The following CYP19A1 variants were observed in gnomAD, a reference collection of about 807,000 sequenced individuals.
CYP19A1 encodes the protein cytochrome P450 family 19 subfamily A member 1.
Under a neutral mutation model 44.4 loss-of-function variants are expected in CYP19A1, and 32 were observed. The observed-to-expected ratio is 0.72, with a 90% CI of 0.54 to 0.97. The LOEUF (loss-of-function observed/expected upper bound fraction) is 0.97. Among genes scored for constraint, CYP19A1 ranks in the 50% least tolerant of loss-of-function variants. CYP19A1 has a pLI of 0.00. For synonymous variants in CYP19A1, 212 were observed against 215.6 expected (o/e 0.98, Z 0.14); for missense variants, 598 against 637.8 (o/e 0.94, Z 0.67).
At chr15:51,324,932 A>T (rs1053436964) in intron 1 of CYP19A1, among the ~76,000 whole-genome samples, 9 of 152,246 alleles carry the variant, frequency 5.9e-5, no homozygotes, top group Non-Finnish European at 1.5e-5. Context: ...TAGATCTGTA[A>T]CCTCATTTTT....
intron 1 of CYP19A1, among the ~76,000 whole-genome samples, chr15:51,285,362 G>C (rs2035661324): frequency 6.6e-6 from 1 of 152,212 alleles, no homozygotes; most frequent in Non-Finnish European, 1.5e-5. Context: ...TCACCAACTG[G>C]CAATCAAAGG....
chr15:51,336,377 G>T (rs1274157658), intron 1 of CYP19A1, among the ~76,000 whole-genome samples: 6 of 152,186 alleles, frequency 3.9e-5, no homozygotes, highest in African/African-American at 1.4e-4. Context: ...AGGGAGAATT[G>T]CTGACTTTGG....
intron 1 of CYP19A1, among the ~76,000 whole-genome samples, chr15:51,318,235 A>T (rs374491742): frequency 1.3e-5 from 2 of 152,024 alleles, no homozygotes; most frequent in African/African-American, 4.8e-5. Context: ...AAAAATTTAC[A>T]GGTGAATATG....
chr15:51,215,975 C>T (rs1329878181), intron 6 of CYP19A1, 158 bp from the exon 7 acceptor site: 3 of 1,374,512 alleles, frequency 2.2e-6, no homozygotes, highest in Non-Finnish European at 2.9e-6. Context: ...CATAAATACC[C>T]TTAAATTACA....
intron 1 of CYP19A1, among the ~76,000 whole-genome samples, chr15:51,268,923 T>A (rs8038715): frequency 0.44 from 66,272 of 152,028 alleles, 14,611 homozygotes; most frequent in African/African-American, 0.46. Context: ...TTGACTTTTT[T>A]AATATATATA....
intron 1 of CYP19A1, among the ~76,000 whole-genome samples, chr15:51,327,653 C>T (rs948354096): frequency 2.0e-5 from 3 of 152,164 alleles, no homozygotes; most frequent in African/African-American, 7.2e-5. Flanking sequence ...CTCAGCCCAA[C>T]AGACAGATGC....
chr15:51,314,356 A>G (rs1046699469), intron 1 of CYP19A1, among the ~76,000 whole-genome samples: 13 of 152,076 alleles, frequency 8.5e-5, no homozygotes, highest in African/African-American at 2.9e-4. Context: ...TGCCTTTATC[A>G]TGGTGGAAGC....
intron 1 of CYP19A1, among the ~76,000 whole-genome samples, chr15:51,253,932 G>T (rs917143377): frequency 6.6e-6 from 1 of 152,202 alleles, no homozygotes; most frequent in African/African-American, 2.4e-5. Flanking sequence ...AAGTAGAGGA[G>T]AGGTATTTGC....
At chr15:51,335,418 G>C (rs1034397496) in intron 1 of CYP19A1, among the ~76,000 whole-genome samples, 1 of 152,174 alleles carries the variant, frequency 6.6e-6, no homozygotes, top group Non-Finnish European at 1.5e-5. Flanking sequence ...CAGATTTGGT[G>C]CTCTTACCTG....
rs765722947 is a variant in CYP19A1, at chr15:51,215,244, G to C, written c.859-12C>G. ...AGGTCACCACGTTTCTGAACAATTG[G>C]AAGATGGGAAAAATTTGGAAAAGTG... On this transcript the variant is annotated splice_polypyrimidine_tract_variant and intron_variant, in intron 7 of 9. Transcript: ENST00000396402. 4.4e-5 allele frequency: 71 copies of C among 1,613,858 alleles called. No individual in the cohort carries two copies. The highest frequency in any genetic ancestry group is 5.8e-5 in the Non-Finnish European group (68 of 1,179,962).
chr15:51,262,100 C>T (rs983680758), intron 1 of CYP19A1, among the ~76,000 whole-genome samples: 3 of 152,168 alleles, frequency 2.0e-5, no homozygotes, highest in Admixed American at 6.5e-5. Flanking sequence ...GAACACCTGG[C>T]CCACCCAGGG....
Position 51,236,958 on chromosome 15 carries a change from A to G in CYP19A1, c.197T>C (p.Leu66Pro). The G allele has an allele frequency of 1.2e-6, 2 of 1,614,234 alleles. No individual in the cohort carries two copies. Among genetic ancestry groups the G allele is most frequent in the South Asian group, 1.1e-5 (1 of 91,090 alleles). Reference protein sequence around the residue: ...IGPLISHGRFLWMGIGSACNY... With the variant: ...IGPLISHGRFPWMGIGSACNY... The stretch of plus-strand genomic sequence containing the variant: ...GCAGGCACTGCCGATCCCCATCCAC[A>G]GGAATCTGCCGTGGGAGATGAGGGG... The change falls in exon 3 of 10, where the codon CTG becomes CCG. Residue 66 changes from leucine to proline, a missense_variant. By Grantham distance (98) the Leu-to-Pro change is moderately conservative. Transcript: ENST00000396402.
intron 1 of CYP19A1, among the ~76,000 whole-genome samples, chr15:51,249,757 A>G (rs2034228255): frequency 6.6e-6 from 1 of 152,208 alleles, no homozygotes; most frequent in Non-Finnish European, 1.5e-5. Context: ...GTGATCTTCT[A>G]ATAATACAGT....
intron 1 of CYP19A1, among the ~76,000 whole-genome samples, chr15:51,257,641 T>C (rs1487033006): frequency 1.3e-5 from 2 of 152,362 alleles, no homozygotes; most frequent in East Asian, 3.9e-4. Context: ...CTCCAGCGCC[T>C]GAGCCCAGGT....
At chr15:51,232,747 C>G (rs566700772) in intron 3 of CYP19A1, among the ~76,000 whole-genome samples, 3 of 152,314 alleles carry the variant, frequency 2.0e-5, no homozygotes, top group Admixed American at 2.0e-4. Flanking sequence ...ACTGCTACCA[C>G]CTGGACCAGC....
At position 51,266,229 on chromosome 15, in the gene CYP19A1, A is replaced by G. The variant is rs28757143; in HGVS notation, c.-38-23279T>C. Among the ~76,000 whole-genome samples, 19 of 152,382 alleles carry G rather than the reference A, an allele frequency of 1.2e-4. No homozygotes were observed. The East Asian group carries it at 2.3e-3, about 19-fold the overall frequency. On this transcript the variant is annotated intron_variant, in intron 1 of 9. Coordinates refer to ENST00000396402, the MANE Select transcript of CYP19A1 (RefSeq NM_000103.4). ...TGTGCCTACAAATCACATTATGTACATGACACATTCCTCTCCTTGCAAGGC... is the reference window on the plus strand; with the variant it reads ...TGTGCCTACAAATCACATTATGTACGTGACACATTCCTCTCCTTGCAAGGC...
chr15:51,246,708 C>T (rs1294216240), intron 1 of CYP19A1, among the ~76,000 whole-genome samples: 4 of 152,162 alleles, frequency 2.6e-5, no homozygotes, highest in African/African-American at 4.8e-5. Flanking sequence ...TAGCCTGCCA[C>T]AGGGAGGGGA....
intron 1 of CYP19A1, among the ~76,000 whole-genome samples, chr15:51,314,507 C>G (rs893020087): frequency 2.0e-5 from 3 of 152,114 alleles, no homozygotes; most frequent in African/African-American, 7.2e-5. Context: ...GTAGTCCCTC[C>G]TTTCAATAAG....
chr15:51,301,770 A>G (rs2036119479), intron 1 of CYP19A1, among the ~76,000 whole-genome samples: 1 of 152,236 alleles, frequency 6.6e-6, no homozygotes, highest in East Asian at 1.9e-4. Flanking sequence ...GGGAATGATT[A>G]GAATCCTCGG....
Sources: allele counts gnomAD v4.1 joint callset (sites outside exome capture counted in the v4.1 genomes callset), GRCh38; gene constraint gnomAD v4.1.1; transcripts MANE v1.5; gene names NCBI Gene and HGNC (gene_info 2026-07-23, HGNC 2026-07-21).